Variants in ADH6 observed in about 807,000 individuals in gnomAD.
ADH6 encodes the protein alcohol dehydrogenase 6.
A neutral mutation model predicts 36.5 loss-of-function variants in ADH6; 34 were observed. The ratio of observed to expected loss-of-function variants is 0.93; its 90% CI spans 0.71 to 1.24. The LOEUF is 1.24. Among genes scored for constraint, ADH6 ranks in the 50% most tolerant of loss-of-function variants. The probability of loss-of-function intolerance (pLI) is 0.00; values close to 1 mark genes in which losing one functional copy is unlikely to be tolerated. For synonymous variants in ADH6, 161 were observed against 155.5 expected (o/e 1.04, Z -0.26); for missense variants, 440 against 447.0 (o/e 0.98, Z 0.14).
chr4:99,211,491 G>A (rs1461103769), intron 3 of ADH6, among the ~76,000 whole-genome samples: 1 of 152,112 alleles, frequency 6.6e-6, no homozygotes, highest in Non-Finnish European at 1.5e-5. Context: ...AATGCAATGA[G>A]TATCTTATTG....
At chr4:99,209,976 G>T in intron 5 of ADH6, 106 bp downstream of exon 5, 1 of 1,155,616 alleles carries the variant, frequency 8.7e-7, no homozygotes. Flanking sequence ...TTGGAGTCAG[G>T]CTTGGGATTT....
intron 1 of ADH6, 71 bp downstream of exon 1, chr4:99,219,064 A>T (rs1731547421): frequency 1.4e-5 from 21 of 1,460,632 alleles, no homozygotes; most frequent in Non-Finnish European, 1.6e-5. Context: ...GGGTGATGAG[A>T]TGTTGGTAAA....
Position 99,208,939 on chromosome 4 carries a change from A to T in ADH6, c.568-11T>A, listed in dbSNP as rs1560805532. 2 of 1,602,344 alleles carry T rather than the reference A, an allele frequency of 1.2e-6. No individual in the cohort carries two copies. Among genetic ancestry groups the T allele is most frequent in the Non-Finnish European group, 1.7e-6 (2 of 1,174,812 alleles). On this transcript the variant is annotated splice_polypyrimidine_tract_variant and intron_variant, in intron 5 of 8. Transcript: ENST00000394899. Reference sequence around the variant, plus strand: ...AGAACCTGGAGTCACCTAAACACATACAGGCAGAAAACTCAGAAAACAAAA... The same window carrying T: ...AGAACCTGGAGTCACCTAAACACATTCAGGCAGAAAACTCAGAAAACAAAA...
intron 7 of ADH6, among the ~76,000 whole-genome samples, chr4:99,205,943 ATTT>A (rs1731018015): frequency 6.6e-6 from 1 of 152,094 alleles, no homozygotes; most frequent in Admixed American, 6.6e-5. Flanking sequence ...TAATAGATTT[ATTT>A]TTAATTTAAG....
At chr4:99,211,260 C>G (rs1388744325) in intron 3 of ADH6, among the ~76,000 whole-genome samples, 1 of 152,102 alleles carries the variant, frequency 6.6e-6, no homozygotes. Flanking sequence ...GACAGGTACT[C>G]TGACCAGTAA....
chr4:99,213,122 C>T (rs1016876036), intron 3 of ADH6, among the ~76,000 whole-genome samples: 3 of 151,908 alleles, frequency 2.0e-5, no homozygotes, highest in East Asian at 1.9e-4. Flanking sequence ...TTTTTTAGCC[C>T]GGATAACTAT....
chr4:99,212,654 A>G (rs1003888406), intron 3 of ADH6, among the ~76,000 whole-genome samples: 4 of 151,890 alleles, frequency 2.6e-5, no homozygotes, highest in Non-Finnish European at 5.9e-5. Flanking sequence ...GCCTTTTAAA[A>G]TGTTTTTTAT....
intron 2 of ADH6, 125 bp downstream of exon 2, chr4:99,216,036 C>G (rs1162088903): frequency 4.1e-6 from 2 of 482,416 alleles, no homozygotes; most frequent in African/African-American, 4.1e-5. Context: ...AAAAGAAATA[C>G]AAAGATATGT....
Position 99,208,658 on chromosome 4 carries a change from G to T in ADH6, c.828+10C>A, listed in dbSNP as rs370092098. On this transcript the variant is annotated intron_variant, in intron 6 of 8. Transcript: ENST00000394899. ...AGTATTGGTAATTTTCACTCCAGAG[G>T]ATTACATACCAGAACGTCCAGATTT... The T allele has an allele frequency of 9.3e-6, 15 of 1,609,086 alleles. No homozygotes were observed. The highest frequency in any genetic ancestry group is 1.3e-5 in the African/African-American group (1 of 74,622).
chr4:99,208,628 G>A, intron 6 of ADH6, 40 bp downstream of exon 6: 1 of 1,572,592 alleles, frequency 6.4e-7, no homozygotes, highest in Non-Finnish European at 8.6e-7. Context: ...ACGATGACTG[G>A]TAAAAGTATT....
Position 99,213,606 on chromosome 4 carries a change from C to G in ADH6, c.262G>C (p.Gly88Arg), listed in dbSNP as rs1287327779. The change falls in exon 3 of 9, where the codon GGT becomes CGT. Residue 88 changes from glycine (G) to arginine (R), a missense_variant and splice_region_variant. Transcript: ENST00000394899. ...IGEGVSTVKP[G>R]DKVITLFLPQ... The stretch of plus-strand genomic sequence containing the variant: ...CCTATTACCAGGTGCTAATTCCTAC[C>G]TGGTTTCACTGTGCTTACTCCTTCT... The G allele has an allele frequency of 6.3e-7, 1 of 1,598,398 alleles. No individual in the cohort carries two copies. Among genetic ancestry groups the G allele is most frequent in the Non-Finnish European group, 8.5e-7 (1 of 1,175,040 alleles).
chr4:99,210,418 A>G lies in ADH6; in HGVS notation c.347T>C (p.Phe116Ser). 1 of 1,607,582 alleles carries G rather than the reference A, an allele frequency of 6.2e-7. No homozygotes were observed. The highest frequency in any genetic ancestry group is 8.5e-7 in the Non-Finnish European group (1 of 1,175,034). The change falls in exon 4 of 9, where the codon TTC becomes TCC. Residue 116 changes from phenylalanine to serine, a missense_variant. Transcript: ENST00000394899. ...LNSEGNFCIQ[F>S]KQSKTQLMSD... is the part of the protein sequence containing the mutation. ...GAAAATATTAGTAAAAACTTACTTG[A>G]ATTGTATACAAAAATTGCCCTCAGA...
rs1295070212 is a variant in ADH6, at chr4:99,203,048, C to A, written c.*1171G>T. ...GAGAGAGACTGAGGGTGCAGCCCACCTTCCTGGCCAGTGTTAAATCAGGAA... is the reference window on the plus strand; with the variant it reads ...GAGAGAGACTGAGGGTGCAGCCCACATTCCTGGCCAGTGTTAAATCAGGAA... On this transcript the variant is annotated 3_prime_UTR_variant, in exon 9 of 9. Coordinates refer to ENST00000394899, the MANE Select transcript of ADH6 (RefSeq NM_001102470.2). 1 of 378,758 alleles carries A rather than the reference C, an allele frequency of 2.6e-6. No individual in the cohort carries two copies. The highest frequency in any genetic ancestry group is 4.7e-6 in the Non-Finnish European group (1 of 213,740). The allele number at this position is 378,758 out of a possible 1,614,324, so 23.5% of individuals were successfully genotyped here.
chr4:99,217,593 C>T (rs1391489797), intron 1 of ADH6, among the ~76,000 whole-genome samples: 1 of 152,080 alleles, frequency 6.6e-6, no homozygotes, highest in Non-Finnish European at 1.5e-5. Context: ...TGTATATGTA[C>T]CGCATTTTGT....
rs1407180393 is a variant in ADH6, at chr4:99,202,718, T to A, written c.*1501A>T. 1 of 397,962 alleles carries A rather than the reference T, an allele frequency of 2.5e-6. No individual in the cohort carries two copies. Among genetic ancestry groups the A allele is most frequent in the African/African-American group, 2.1e-5 (1 of 48,570 alleles). The allele number at this position is 397,962 out of a possible 1,614,324, so 24.7% of individuals were successfully genotyped here. ...AAAACGTTTCCGGGAAAACTTGGAT[T>A]TCCCAAGACCCGAAGACTCCTCCAA... On this transcript the variant is annotated 3_prime_UTR_variant, in exon 9 of 9. Transcript: ENST00000394899.
Position 99,205,039 on chromosome 4 carries a change from G to A in ADH6, c.989C>T (p.Pro330Leu), listed in dbSNP as rs903939777. ...FGGWKSRQHI[P>L]KLVADYMAEK... Reference sequence around the variant, plus strand: ...TGCCATATAATCAGCAACCAGTTTAGGGATGTGCTGTCTGCTCTTCCAGCC... The same window carrying A: ...TGCCATATAATCAGCAACCAGTTTAAGGATGTGCTGTCTGCTCTTCCAGCC... The change falls in exon 8 of 9, where the codon CCT becomes CTT. Residue 330 changes from proline (P) to leucine (L), a missense_variant. Coordinates refer to ENST00000394899, the MANE Select transcript of ADH6 (RefSeq NM_001102470.2). 6.3e-6 allele frequency: 10 copies of A among 1,591,396 alleles called. No homozygotes were observed. Among genetic ancestry groups the A allele is most frequent in the Non-Finnish European group, 8.5e-6 (10 of 1,169,630 alleles).
chr4:99,204,982 T>C lies in ADH6; in HGVS notation c.1046A>G (p.His349Arg). The C allele has an allele frequency of 6.2e-7, 1 of 1,610,440 alleles. No homozygotes were observed. The highest frequency in any genetic ancestry group is 8.5e-7 in the Non-Finnish European group (1 of 1,178,344). The change falls in exon 8 of 9, where the codon CAT (histidine) becomes CGT (arginine). Residue 349 changes from histidine to arginine, a missense_variant. Coordinates refer to ENST00000394899, the MANE Select transcript of ADH6 (RefSeq NM_001102470.2). Reference sequence around the variant, plus strand: ...ATTGATTTTATCAAGATTCAGAGTATGAGTAATTAGTGGATCTAGATTCAA... The same window carrying C: ...ATTGATTTTATCAAGATTCAGAGTACGAGTAATTAGTGGATCTAGATTCAA... ...EKLNLDPLIT[H>R]TLNLDKINEA...
Position 99,203,016 on chromosome 4 carries a change from G to A in ADH6, c.*1203C>T, listed in dbSNP as rs545389232. On this transcript the variant is annotated 3_prime_UTR_variant, in exon 9 of 9. Coordinates refer to ENST00000394899, the MANE Select transcript of ADH6 (RefSeq NM_001102470.2). Reference sequence around the variant, plus strand: ...TCCTTTGATATCATGTGAAAACCATGATGGGAGAGAGAGACTGAGGGTGCA... The same window carrying A: ...TCCTTTGATATCATGTGAAAACCATAATGGGAGAGAGAGACTGAGGGTGCA... 5.1e-6 allele frequency: 2 copies of A among 388,758 alleles called. No homozygotes were observed. Among genetic ancestry groups the A allele is most frequent in the Admixed American group, 4.4e-5 (1 of 22,508 alleles). 24.1% of individuals were successfully genotyped at this position (388,758 alleles called of 1,614,324 possible).
At chr4:99,207,180 A>G (rs1731064795) in intron 7 of ADH6, among the ~76,000 whole-genome samples, 1 of 152,050 alleles carries the variant, frequency 6.6e-6, no homozygotes, top group South Asian at 2.1e-4. Flanking sequence ...TTTTCAATTT[A>G]GAGTTTGCTT....
Sources: allele counts gnomAD v4.1 joint callset (sites outside exome capture counted in the v4.1 genomes callset), GRCh38; gene constraint gnomAD v4.1.1; transcripts MANE v1.5; gene names NCBI Gene and HGNC (gene_info 2026-07-23, HGNC 2026-07-21).